Variants in SND1 observed in about 807,000 individuals in gnomAD.
SND1 encodes the protein staphylococcal nuclease and tudor domain containing 1.
Under a neutral mutation model 121.7 loss-of-function variants are expected in SND1, and 38 were observed. The observed-to-expected ratio is 0.31, with a 90% confidence interval of 0.24 to 0.41. The LOEUF (loss-of-function observed/expected upper bound fraction) is 0.41, where lower values mean the gene tolerates loss of function less well. Among genes scored for constraint, SND1 ranks in the 10% least tolerant of loss-of-function variants. SND1 has a pLI of 1.00. For missense variants in SND1, 868 were observed against 1,184.6 expected (o/e 0.73, Z 3.92); for synonymous variants, 401 against 447.4 (o/e 0.90, Z 1.31).
chr7:127,786,269 T>C lies in SND1; in HGVS notation c.1153-21215T>C, dbSNP rs184459584. Among the ~76,000 whole-genome samples the C allele has an allele frequency of 5.3e-3, 805 of 152,326 alleles. 4 individuals carry two copies. The highest frequency in any genetic ancestry group is 9.2e-3 in the Non-Finnish European group (624 of 68,040). ...TTTTCTCTTGAATTTCATTTTAAAT[T>C]GATCGCTATGTATTTTAGGCTTATG... On this transcript the variant is annotated intron_variant, in intron 10 of 23. Transcript: ENST00000354725.
intron 15 of SND1, among the ~76,000 whole-genome samples, chr7:127,938,790 TCCAATTACA>T (rs951954356): frequency 1.3e-5 from 2 of 152,314 alleles, no homozygotes; most frequent in Non-Finnish European, 1.5e-5. Context: ...GAATGAAACC[TCCAATTACA>T]CCAGGATTAT....
intron 15 of SND1, among the ~76,000 whole-genome samples, chr7:127,957,582 C>T (rs1801624778): frequency 6.6e-6 from 1 of 152,200 alleles, no homozygotes; most frequent in Non-Finnish European, 1.5e-5. Context: ...CGTTGCCTTG[C>T]TAGCCTTGGC....
At chr7:127,809,822 T>A (rs1336810541) in intron 11 of SND1, among the ~76,000 whole-genome samples, 1 of 152,234 alleles carries the variant, frequency 6.6e-6, no homozygotes, top group Non-Finnish European at 1.5e-5. Flanking sequence ...TTTTGTTGGC[T>A]TTGATGACCT....
intron 15 of SND1, among the ~76,000 whole-genome samples, chr7:127,985,120 C>T (rs1208630465): frequency 1.3e-5 from 2 of 152,226 alleles, no homozygotes; most frequent in Non-Finnish European, 2.9e-5. Flanking sequence ...CATTCCCCAC[C>T]TTCTGCACTG....
chr7:127,936,050 G>A (rs1801054072), intron 15 of SND1, among the ~76,000 whole-genome samples: 1 of 152,166 alleles, frequency 6.6e-6, no homozygotes, highest in African/African-American at 2.4e-5. Flanking sequence ...TATGTAGAAT[G>A]ATCGCTTGGT....
intron 14 of SND1, among the ~76,000 whole-genome samples, chr7:127,908,318 ATG>A (rs10579969): frequency 0.3 from 41,801 of 137,948 alleles, 6,096 homozygotes; most frequent in Non-Finnish European, 0.33. Flanking sequence ...ATAATAATAA[ATG>A]TGTGTGTGTG....
rs189534994 is a variant in SND1, at chr7:127,751,586, A to C, written c.1152+30186A>C. 5.8e-3 allele frequency among the ~76,000 whole-genome samples: 889 copies of C among 152,286 alleles called. 15 individuals are homozygous for C. Among genetic ancestry groups the C allele is most frequent in the African/African-American group, 0.02 (847 of 41,572 alleles). Reference sequence around the variant, plus strand: ...GAGAGAGTCTTAGGCTATAGCCTTCATTTGGCCTAGGGACATTACTTCTAG... The same window carrying C: ...GAGAGAGTCTTAGGCTATAGCCTTCCTTTGGCCTAGGGACATTACTTCTAG... On this transcript the variant is annotated intron_variant, in intron 10 of 23. Transcript: ENST00000354725.
At chr7:127,695,841 G>A (rs1795998005) in intron 3 of SND1, among the ~76,000 whole-genome samples, 1 of 152,080 alleles carries the variant, frequency 6.6e-6, no homozygotes, top group Non-Finnish European at 1.5e-5. Flanking sequence ...CAAAAAAATA[G>A]TATATGTAAA....
chr7:127,772,911 A>G (rs1584561884), intron 10 of SND1, among the ~76,000 whole-genome samples: 4 of 152,338 alleles, frequency 2.6e-5, no homozygotes, highest in South Asian at 4.1e-4. Flanking sequence ...TCACTTAACA[A>G]GTATATTTCA....
At chr7:127,966,915 G>A (rs917965311) in intron 15 of SND1, among the ~76,000 whole-genome samples, 3 of 151,844 alleles carry the variant, frequency 2.0e-5, no homozygotes, top group Non-Finnish European at 4.4e-5. Flanking sequence ...GAATCCAGGA[G>A]CTGGTTTTTT....
chr7:128,078,008 A>T (rs1005197771), intron 17 of SND1, among the ~76,000 whole-genome samples: 2 of 152,206 alleles, frequency 1.3e-5, no homozygotes, highest in Admixed American at 1.3e-4. Context: ...CCAGCTTCTT[A>T]TGGGAAATCT....
At chr7:127,865,661 G>A (rs550296961) in intron 12 of SND1, among the ~76,000 whole-genome samples, 1 of 152,136 alleles carries the variant, frequency 6.6e-6, no homozygotes, top group East Asian at 1.9e-4. Flanking sequence ...TATCACTCAG[G>A]CTGGAATGCA....
intron 11 of SND1, among the ~76,000 whole-genome samples, chr7:127,836,900 T>C (rs1563030344): frequency 6.6e-6 from 1 of 152,176 alleles, no homozygotes; most frequent in Non-Finnish European, 1.5e-5. Context: ...AACTACTGAA[T>C]AGAATATATT....
chr7:128,028,196 T>C (rs1041750548), intron 16 of SND1: 1 of 153,040 alleles, frequency 6.5e-6, no homozygotes, highest in Non-Finnish European at 1.5e-5. Context: ...TTTGTATTTT[T>C]TTTTAATAAG....
intron 16 of SND1, among the ~76,000 whole-genome samples, chr7:128,048,348 C>T (rs1792988814): frequency 6.6e-6 from 1 of 151,668 alleles, no homozygotes; most frequent in Non-Finnish European, 1.5e-5. Context: ...CAGACTTTCT[C>T]CTTAAGCTCT....
intron 10 of SND1, among the ~76,000 whole-genome samples, chr7:127,776,811 G>A (rs879704216): frequency 5.9e-5 from 9 of 152,222 alleles, no homozygotes; most frequent in Non-Finnish European, 8.8e-5. Flanking sequence ...CAGGAGTGAA[G>A]GTGTTGGGGT....
chr7:127,908,525 A>G (rs1800393887), intron 14 of SND1, among the ~76,000 whole-genome samples: 2 of 152,248 alleles, frequency 1.3e-5, no homozygotes, highest in South Asian at 4.1e-4. Context: ...TAGAAGTACC[A>G]GCCACTGCTG....
intron 11 of SND1, among the ~76,000 whole-genome samples, chr7:127,835,387 G>T (rs908784644): frequency 7.9e-5 from 12 of 152,142 alleles, no homozygotes; most frequent in Non-Finnish European, 7.3e-5. Flanking sequence ...CTGACTGCTG[G>T]TGACCTTGGA....
chr7:127,869,906 G>T (rs940760389), intron 12 of SND1, among the ~76,000 whole-genome samples: 3 of 152,110 alleles, frequency 2.0e-5, no homozygotes, highest in African/African-American at 7.2e-5. Flanking sequence ...CATAATATGT[G>T]ATTCTGTGAG....
Sources: allele counts gnomAD v4.1 joint callset (sites outside exome capture counted in the v4.1 genomes callset), GRCh38; gene constraint gnomAD v4.1.1; transcripts MANE v1.5; gene names NCBI Gene and HGNC (gene_info 2026-07-23, HGNC 2026-07-21).